The following DIAPH3 variants were observed in gnomAD, a reference collection of about 807,000 sequenced individuals.
The protein encoded by DIAPH3 is protein diaphanous homolog 3.
A neutral mutation model predicts 144.3 loss-of-function variants in DIAPH3; 117 were observed. That is an observed-to-expected ratio of 0.81 (90% CI 0.70 to 0.95). The LOEUF (loss-of-function observed/expected upper bound fraction) is 0.95, where lower values mean the gene tolerates loss of function less well. Among genes scored for constraint, DIAPH3 ranks in the 40% least tolerant of loss-of-function variants. The pLI is 0.00. For missense variants in DIAPH3, 1,421 were observed against 1,412.7 expected, an observed-to-expected ratio of 1.01 and a Z score of -0.09; for synonymous variants, 519 against 488.9, an observed-to-expected ratio of 1.06 and a Z score of -0.81.
At chr13:60,136,808 C>G (rs1162126994) in intron 1 of DIAPH3, among the ~76,000 whole-genome samples, 2 of 151,878 alleles carry the variant, frequency 1.3e-5, no homozygotes. Flanking sequence ...GGCGTGGTGG[C>G]GGGTGCCTGC....
chr13:59,786,375 T>C lies in DIAPH3; in HGVS notation c.3164-11552A>G, dbSNP rs1028574571. 1.2e-4 allele frequency among the ~76,000 whole-genome samples: 19 copies of C among 152,298 alleles called. 1 individual carries two copies. The highest frequency in any genetic ancestry group is 1.2e-3 in the Admixed American group (19 of 15,300). ...CTATTCTTGGATGTCATGAATAAAC[T>C]ATGATTGAATTTTAACTATATACAC... On this transcript the variant is annotated intron_variant, in intron 25 of 27. Transcript: ENST00000400324.
intron 9 of DIAPH3, among the ~76,000 whole-genome samples, chr13:59,995,644 G>A (rs1370771595): frequency 6.6e-6 from 1 of 151,788 alleles, no homozygotes; most frequent in Non-Finnish European, 1.5e-5. Flanking sequence ...CAAGGTTTTG[G>A]GCCTGAGCAA....
intron 27 of DIAPH3, among the ~76,000 whole-genome samples, chr13:59,763,016 T>C (rs9538514): frequency 0.34 from 51,929 of 151,698 alleles, 9,355 homozygotes; most frequent in African/African-American, 0.44. Context: ...GCCTCCAGAG[T>C]TGTGAGCCAA....
chr13:60,059,787 T>C (rs1195862691), intron 4 of DIAPH3, among the ~76,000 whole-genome samples: 2 of 152,092 alleles, frequency 1.3e-5, no homozygotes, highest in Non-Finnish European at 1.5e-5. Flanking sequence ...TCAGCACATC[T>C]GAACGGATAG....
chr13:60,008,712 C>T, intron 8 of DIAPH3, 63 bp from the exon 9 acceptor site: 1 of 1,022,338 alleles, frequency 9.8e-7, no homozygotes, highest in Non-Finnish European at 1.6e-6. Flanking sequence ...AATACAATTG[C>T]TTTATCCTAC....
chr13:59,744,365 T>C (rs2036605043), intron 27 of DIAPH3, among the ~76,000 whole-genome samples: 1 of 152,160 alleles, frequency 6.6e-6, no homozygotes, highest in African/African-American at 2.4e-5. Flanking sequence ...GGTATTCTGT[T>C]AGGCATTAGG....
At chr13:60,059,543 C>T (rs555044600) in intron 4 of DIAPH3, among the ~76,000 whole-genome samples, 40 of 151,988 alleles carry the variant, frequency 2.6e-4, no homozygotes, top group African/African-American at 7.7e-4. Flanking sequence ...CCTTTCTGAA[C>T]AATAAAATTA....
chr13:59,856,653 C>T (rs1026365948), intron 22 of DIAPH3, among the ~76,000 whole-genome samples: 2 of 152,142 alleles, frequency 1.3e-5, no homozygotes, highest in African/African-American at 2.4e-5. Context: ...TTTTAACTCT[C>T]CTCTCTTTAA....
intron 12 of DIAPH3, among the ~76,000 whole-genome samples, chr13:59,987,308 C>T (rs1481863817): frequency 1.3e-5 from 2 of 149,736 alleles, no homozygotes; most frequent in South Asian, 2.1e-4. Flanking sequence ...GGGAATATCA[C>T]ACTCTGGGGA....
intron 9 of DIAPH3, among the ~76,000 whole-genome samples, chr13:60,001,624 G>A (rs1309078670): frequency 2.0e-5 from 3 of 152,164 alleles, no homozygotes; most frequent in Non-Finnish European, 2.9e-5. Context: ...TTCCTTCCAG[G>A]AGCACCATGT....
intron 23 of DIAPH3, chr13:59,837,967 T>G (rs1403367628): frequency 1.3e-5 from 2 of 152,098 alleles, no homozygotes; most frequent in Admixed American, 1.3e-4. Flanking sequence ...AGTTCACAAT[T>G]AAGCTGAAAG....
At chr13:59,980,910 T>A (rs1399269144) in intron 13 of DIAPH3, 51 bp from the exon 14 acceptor site, 2 of 1,449,844 alleles carry the variant, frequency 1.4e-6, no homozygotes, top group Admixed American at 1.7e-5. Flanking sequence ...TTAAACTCAT[T>A]ATGACTTCAA....
chr13:60,087,815 A>G (rs2137862580), intron 4 of DIAPH3, among the ~76,000 whole-genome samples: 1 of 152,186 alleles, frequency 6.6e-6, no homozygotes. Flanking sequence ...TAGAAAATAA[A>G]GAATGGATGT....
At chr13:60,112,209 A>C (rs1594697412) in intron 2 of DIAPH3, 23 bp from the exon 3 acceptor site, 2 of 1,613,204 alleles carry the variant, frequency 1.2e-6, no homozygotes, top group East Asian at 4.5e-5. Context: ...ACAGAATGAC[A>C]CACGTGTAAG....
chr13:59,987,589 A>G (rs993560371), intron 12 of DIAPH3, among the ~76,000 whole-genome samples: 1 of 150,408 alleles, frequency 6.6e-6, no homozygotes, highest in Non-Finnish European at 1.5e-5. Flanking sequence ...GAAACTTGTT[A>G]GTGAAATAAG....
At chr13:59,732,872 T>C (rs1293380834) in intron 27 of DIAPH3, among the ~76,000 whole-genome samples, 1 of 152,164 alleles carries the variant, frequency 6.6e-6, no homozygotes, top group Non-Finnish European at 1.5e-5. Context: ...AAACTGGCAT[T>C]ATGTGTTCCA....
rs779247938 is a variant in DIAPH3, at chr13:59,911,813, A to T, written c.2289T>A (p.Asp763Glu). The T allele has an allele frequency of 8.7e-6, 14 of 1,612,838 alleles. No individual in the cohort carries two copies. The highest frequency in any genetic ancestry group is 4.5e-5 in the East Asian group (2 of 44,768). The change falls in exon 20 of 28, where the codon GAT (aspartate) becomes GAA (glutamate). Residue 763 changes from aspartate (D) to glutamate (E), a missense_variant. Coordinates refer to ENST00000400324, the MANE Select transcript of DIAPH3 (RefSeq NM_001042517.2). ...MIQNLIKHLP[D>E]QEQLNSLSQF... is the part of the protein sequence containing the mutation. Reference sequence around the variant, plus strand: ...GAGACAATGAATTTAATTGCTCTTGATCAGGAAGATGCTTTATTAAGTTCT... The same window carrying T: ...GAGACAATGAATTTAATTGCTCTTGTTCAGGAAGATGCTTTATTAAGTTCT...
intron 27 of DIAPH3, among the ~76,000 whole-genome samples, chr13:59,755,261 GC>G (rs2037199796): frequency 6.6e-6 from 1 of 152,114 alleles, no homozygotes; most frequent in East Asian, 1.9e-4. Flanking sequence ...AATGTGCACA[GC>G]CAGGGCAAGG....
chr13:60,155,383 T>C (rs1951977810), intron 1 of DIAPH3, among the ~76,000 whole-genome samples: 1 of 152,202 alleles, frequency 6.6e-6, no homozygotes, highest in Non-Finnish European at 1.5e-5. Context: ...CCATATGTTA[T>C]CTACTTTCAG....
Sources: gnomAD v4.1 joint callset for allele counts (sites outside exome capture counted in the v4.1 genomes callset) on GRCh38, gnomAD v4.1.1 for gene constraint, MANE v1.5 for transcripts, NCBI Gene and HGNC (gene_info 2026-07-23, HGNC 2026-07-21) for gene names.